PCDH7: variants seen among roughly 807,000 people sequenced by gnomAD.
PCDH7 encodes the protein protocadherin 7.
PCDH7 carries 17 observed loss-of-function variants against 58.9 expected under a neutral mutation model. The observed-to-expected ratio is 0.29, with a 90% CI of 0.20 to 0.43. The LOEUF (loss-of-function observed/expected upper bound fraction) is 0.43, where lower values mean the gene tolerates loss of function less well. PCDH7 is among the 20% of genes least tolerant of loss of function. PCDH7 has a pLI of 1.00. For missense variants in PCDH7, 1,274 were observed against 1,441.0 expected (o/e 0.88, Z 1.88); for synonymous variants, 664 against 616.4 (o/e 1.08, Z -1.14).
intron 1 of PCDH7, among the ~76,000 whole-genome samples, chr4:30,740,271 A>G (rs1336438759): frequency 6.6e-6 from 1 of 152,186 alleles, no homozygotes; most frequent in Non-Finnish European, 1.5e-5. Flanking sequence ...CCCTTCAGTG[A>G]TATTTCAACC....
At position 30,887,646 on chromosome 4, in the gene PCDH7, G is replaced by T. The variant is rs544497940; in HGVS notation, c.71-32507G>T. Among the ~76,000 whole-genome samples, 4 of 152,098 alleles carry T rather than the reference G, an allele frequency of 2.6e-5. No homozygotes were observed. The South Asian group carries it at 6.2e-4, about 24-fold the overall frequency. On this transcript the variant is annotated intron_variant, in intron 1 of 3. Transcript: ENST00000509759. ...AGTAAACAAGTGTGATTACAATTAG[G>T]TCTAAAATAATTTTGTTGATTTATT...
At chr4:30,868,059 C>T (rs1267206169) in intron 1 of PCDH7, among the ~76,000 whole-genome samples, 7 of 151,908 alleles carry the variant, frequency 4.6e-5, no homozygotes, top group Admixed American at 6.6e-5. Context: ...TTATAAAATC[C>T]GTCATTTTCA....
At chr4:30,755,578 T>A (rs886985252) in intron 1 of PCDH7, among the ~76,000 whole-genome samples, 2 of 152,160 alleles carry the variant, frequency 1.3e-5, no homozygotes, top group African/African-American at 4.8e-5. Context: ...AGGGGGAGAT[T>A]GACTCCTGTA....
chr4:30,858,922 A>G (rs777954039), intron 1 of PCDH7, among the ~76,000 whole-genome samples: 5 of 152,184 alleles, frequency 3.3e-5, no homozygotes, highest in African/African-American at 4.8e-5. Flanking sequence ...TGGTAGTGGA[A>G]ATAACAATCA....
chr4:30,775,168 C>A lies in PCDH7; in HGVS notation c.70+50572C>A, dbSNP rs529364933. ...GGTGACAGATCTACTGTTAAAGTGC[C>A]GAGAGAGAATTGGGTTTCAGATTGT... is the stretch of plus-strand genomic sequence containing the variant. On this transcript the variant is annotated intron_variant, in intron 1 of 3. Coordinates refer to the PCDH7 transcript ENST00000509759. 3.3e-5 allele frequency among the ~76,000 whole-genome samples: 5 copies of A among 152,042 alleles called. 1 individual carries two copies. In the South Asian group the frequency reaches 1.0e-3, roughly 32 times the overall value.
At chr4:30,734,799 A>G (rs759579885), downstream of PCDH7, among the ~76,000 whole-genome samples, 5 of 152,136 alleles carry the variant, frequency 3.3e-5, no homozygotes, top group Non-Finnish European at 7.3e-5. Flanking sequence ...GTTGCTAGGT[A>G]GCCTGCAGAT....
At chr4:30,857,207 T>C (rs550971799) in intron 1 of PCDH7, among the ~76,000 whole-genome samples, 1 of 152,258 alleles carries the variant, frequency 6.6e-6, no homozygotes, top group Non-Finnish European at 1.5e-5. Flanking sequence ...TGAATGCCTT[T>C]CATTTAATAG....
intron 3 of PCDH7, among the ~76,000 whole-genome samples, chr4:30,972,140 A>G (rs1161693071): frequency 2.0e-5 from 3 of 152,198 alleles, no homozygotes; most frequent in Non-Finnish European, 2.9e-5. Flanking sequence ...GAATTTTTTT[A>G]TAACTAAAAT....
chr4:31,137,628 A>G (rs916910591), intron 3 of PCDH7, among the ~76,000 whole-genome samples: 3 of 152,208 alleles, frequency 2.0e-5, no homozygotes, highest in South Asian at 2.1e-4. Flanking sequence ...AGAAGAAAAT[A>G]CTTCTTATTT....
chr4:30,834,130 T>A (rs1269065885), intron 1 of PCDH7, among the ~76,000 whole-genome samples: 3 of 152,168 alleles, frequency 2.0e-5, no homozygotes, highest in Non-Finnish European at 4.4e-5. Context: ...GCCAGGCACT[T>A]TTCCAACTGC....
chr4:31,056,625 GAGAGAGAGAGGAGAGAGAGAGAGAA>G (rs1757273153), intron 3 of PCDH7, among the ~76,000 whole-genome samples: 1 of 147,734 alleles, frequency 6.8e-6, no homozygotes, highest in South Asian at 2.1e-4. Context: ...GTGAAAGACA[GAGAGAGAGAGGAGAGAGAGAGAGAA>G]AGAGAGAGAG....
At chr4:30,855,040 G>A (rs1733280184) in intron 1 of PCDH7, among the ~76,000 whole-genome samples, 2 of 152,098 alleles carry the variant, frequency 1.3e-5, no homozygotes, top group Admixed American at 1.3e-4. Context: ...CTTAGAAAGT[G>A]GAGGAAAGCA....
At chr4:31,003,589 G>C (rs569214761) in intron 3 of PCDH7, among the ~76,000 whole-genome samples, 10 of 152,070 alleles carry the variant, frequency 6.6e-5, no homozygotes, top group South Asian at 2.1e-4. Context: ...CATTTTCTTT[G>C]ACCACTATGT....
chr4:30,972,883 C>T (rs993158907), intron 3 of PCDH7, among the ~76,000 whole-genome samples: 9 of 152,204 alleles, frequency 5.9e-5, no homozygotes, highest in African/African-American at 2.2e-4. Context: ...CTTTAGCCCT[C>T]ACCACCTTTC....
intron 1 of PCDH7, among the ~76,000 whole-genome samples, chr4:30,808,571 C>T (rs903155174): frequency 4.6e-5 from 7 of 152,048 alleles, no homozygotes; most frequent in Non-Finnish European, 8.8e-5. Context: ...AACATTCATC[C>T]TCCCTTCTGT....
At chr4:30,745,121 T>A (rs1298028573) in intron 1 of PCDH7, among the ~76,000 whole-genome samples, 1 of 152,208 alleles carries the variant, frequency 6.6e-6, no homozygotes, top group African/African-American at 2.4e-5. Context: ...TAGACACTTT[T>A]AATCATGGAA....
At chr4:30,958,223 A>G (rs1454718298) in intron 3 of PCDH7, among the ~76,000 whole-genome samples, 1 of 152,084 alleles carries the variant, frequency 6.6e-6, no homozygotes, top group Non-Finnish European at 1.5e-5. Flanking sequence ...AATTAAGTGT[A>G]CTGAAGGAGG....
intron 3 of PCDH7, among the ~76,000 whole-genome samples, chr4:31,074,848 A>T (rs1035694424): frequency 3.3e-5 from 5 of 150,394 alleles, no homozygotes; most frequent in Non-Finnish European, 7.4e-5. Context: ...CATCCTGCAT[A>T]TGAGATTCAT....
downstream of PCDH7, among the ~76,000 whole-genome samples, chr4:30,735,154 C>A (rs1007531289): frequency 1.3e-5 from 2 of 152,052 alleles, no homozygotes; most frequent in South Asian, 4.1e-4. Flanking sequence ...ATCACAAAAA[C>A]GTACAGGTTT....
Sources: gnomAD v4.1 joint callset for allele counts (sites outside exome capture counted in the v4.1 genomes callset) on GRCh38, gnomAD v4.1.1 for gene constraint, MANE v1.5 for transcripts, NCBI Gene and HGNC (gene_info 2026-07-23, HGNC 2026-07-21) for gene names.